The following PLPPR1 variants were observed in gnomAD, a reference collection of about 807,000 sequenced individuals.
PLPPR1 encodes the protein phospholipid phosphatase related 1.
In PLPPR1, 10 loss-of-function variants were observed where a neutral mutation model predicts 33.1. The observed-to-expected ratio is 0.30, with a 90% CI of 0.19 to 0.51. PLPPR1 has a LOEUF of 0.51. Among genes scored for constraint, PLPPR1 ranks in the 20% least tolerant of loss-of-function variants. The probability of loss-of-function intolerance (pLI) is 0.97; values close to 1 mark genes in which losing one functional copy is unlikely to be tolerated. For missense variants in PLPPR1, 304 were observed against 408.1 expected, an observed-to-expected ratio of 0.74 and a Z score of 2.20; for synonymous variants, 151 against 151.0, an observed-to-expected ratio of 1.00 and a Z score of 0.00.
At chr9:101,099,352 T>C (rs1319576911) in intron 1 of PLPPR1, among the ~76,000 whole-genome samples, 4 of 152,182 alleles carry the variant, frequency 2.6e-5, no homozygotes, top group Non-Finnish European at 5.9e-5. Context: ...TAAATATTCA[T>C]GTCCTAAATA....
rs1829220898 is a variant in PLPPR1 at position 101,324,663 on chromosome 9, TA to T, written c.*607del. The T allele has an allele frequency of 6.6e-6, 1 of 152,280 alleles. No homozygotes were observed. Among genetic ancestry groups the T allele is most frequent in the African/African-American group, 2.4e-5 (1 of 41,404 alleles). 9.4% of individuals were successfully genotyped at this position (152,280 alleles called of 1,614,324 possible). A position where few individuals can be genotyped will look rare whatever the true frequency, so the allele number is the denominator to read the frequency against. ...GTCAGAGAATTCTGGATTTGGAGGG[TA>T]TTGGGGTTATATGATTCTTTCTTAG... On this transcript the variant is annotated 3_prime_UTR_variant, in exon 8 of 8. Transcript: ENST00000374874.
intron 4 of PLPPR1, among the ~76,000 whole-genome samples, chr9:101,292,829 A>G (rs973865477): frequency 2.6e-5 from 4 of 151,180 alleles, no homozygotes; most frequent in East Asian, 3.9e-4. Context: ...AGGAACAACC[A>G]GTACCAGCCA....
chr9:101,109,672 C>G (rs1831026671), intron 1 of PLPPR1, among the ~76,000 whole-genome samples: 1 of 152,160 alleles, frequency 6.6e-6, no homozygotes, highest in African/African-American at 2.4e-5. Context: ...ATTTTTTTAG[C>G]ATTCCCATGG....
At chr9:101,031,741 G>A (rs1009102237) in intron 1 of PLPPR1, among the ~76,000 whole-genome samples, 2 of 152,158 alleles carry the variant, frequency 1.3e-5, no homozygotes, top group Non-Finnish European at 2.9e-5. Flanking sequence ...GGTGATCTTT[G>A]AGAAAAATGA....
chr9:101,095,742 C>A lies in PLPPR1; in HGVS notation c.-46+66640C>A, dbSNP rs77422472. ...TTACCACCAGTCTGACTCCAAACACCAAGCTCTTTCTCTGCATATTGGAGG... is the reference window on the plus strand; with the variant it reads ...TTACCACCAGTCTGACTCCAAACACAAAGCTCTTTCTCTGCATATTGGAGG... On this transcript the variant is annotated intron_variant, in intron 1 of 7. Coordinates refer to ENST00000374874, the MANE Select transcript of PLPPR1 (RefSeq NM_207299.2). Among the ~76,000 whole-genome samples the A allele has an allele frequency of 1.4e-3, 216 of 152,182 alleles. 1 individual carries two copies. The highest frequency in any genetic ancestry group is 0.014 in the Middle Eastern group (4 of 292).
intron 2 of PLPPR1, among the ~76,000 whole-genome samples, chr9:101,198,267 A>C (rs950844457): frequency 6.6e-6 from 1 of 152,100 alleles, no homozygotes; most frequent in Admixed American, 6.6e-5. Context: ...CACTAAAAAC[A>C]TCCCTCCCCA....
intron 2 of PLPPR1, among the ~76,000 whole-genome samples, chr9:101,256,679 T>C (rs561574505): frequency 4.1e-4 from 63 of 152,280 alleles, no homozygotes; most frequent in Admixed American, 1.6e-3. Context: ...TAATAGTGAA[T>C]AGTGTAGCAA....
intron 2 of PLPPR1, among the ~76,000 whole-genome samples, chr9:101,243,766 T>C (rs951982180): frequency 1.3e-5 from 2 of 151,790 alleles, no homozygotes; most frequent in Non-Finnish European, 2.9e-5. Context: ...ATCATCAAAG[T>C]ATAGGTGGTA....
At chr9:101,287,603 C>T (rs139791156) in intron 4 of PLPPR1, among the ~76,000 whole-genome samples, 4,374 of 152,254 alleles carry the variant, frequency 0.029, 213 homozygotes, top group African/African-American at 0.1. Flanking sequence ...CAGGTTCAAG[C>T]GATTCTCCTG....
chr9:101,031,012 A>G (rs1294257236), intron 1 of PLPPR1, among the ~76,000 whole-genome samples: 1 of 152,128 alleles, frequency 6.6e-6, no homozygotes, highest in African/African-American at 2.4e-5. Flanking sequence ...TTTCGCTTTT[A>G]TGATTTTAAA....
intron 1 of PLPPR1, among the ~76,000 whole-genome samples, chr9:101,095,736 A>G (rs1329571701): frequency 6.6e-6 from 1 of 152,260 alleles, no homozygotes; most frequent in East Asian, 1.9e-4. Flanking sequence ...GTCTGACTCC[A>G]AACACCAAGC....
At chr9:101,140,591 T>G (rs2118630890) in intron 1 of PLPPR1, among the ~76,000 whole-genome samples, 2 of 152,308 alleles carry the variant, frequency 1.3e-5, no homozygotes, top group South Asian at 4.1e-4. Flanking sequence ...GAAGACTAAA[T>G]AGCCCCTTCT....
intron 4 of PLPPR1, among the ~76,000 whole-genome samples, chr9:101,294,050 C>T (rs1828570667): frequency 1.3e-5 from 2 of 152,130 alleles, no homozygotes; most frequent in South Asian, 4.1e-4. Context: ...AATTGATAGA[C>T]CGCTAGCAAG....
At chr9:101,212,693 A>G (rs367893830) in intron 2 of PLPPR1, among the ~76,000 whole-genome samples, 192 of 152,360 alleles carry the variant, frequency 1.3e-3, no homozygotes, top group African/African-American at 3.8e-3. Context: ...TCTCTGAGTT[A>G]TCAAGGATCA....
chr9:101,051,874 C>T (rs950019600), intron 1 of PLPPR1, among the ~76,000 whole-genome samples: 4 of 152,114 alleles, frequency 2.6e-5, no homozygotes, highest in African/African-American at 9.7e-5. Flanking sequence ...TTTTTGCCTA[C>T]ATATAGTTTT....
At chr9:101,071,433 A>G (rs1830480868) in intron 1 of PLPPR1, among the ~76,000 whole-genome samples, 1 of 152,172 alleles carries the variant, frequency 6.6e-6, no homozygotes, top group Non-Finnish European at 1.5e-5. Flanking sequence ...CCCTTCTGGC[A>G]CTATAGTAAG....
At chr9:101,276,725 T>C (rs1299141746) in intron 3 of PLPPR1, among the ~76,000 whole-genome samples, 1 of 152,222 alleles carries the variant, frequency 6.6e-6, no homozygotes, top group Non-Finnish European at 1.5e-5. Context: ...ACCGCCCTGG[T>C]GCTCTATTTT....
At chr9:101,116,462 T>C (rs890581805) in intron 1 of PLPPR1, among the ~76,000 whole-genome samples, 1 of 152,188 alleles carries the variant, frequency 6.6e-6, no homozygotes, top group Admixed American at 6.5e-5. Context: ...TTTAGTTTAC[T>C]TGGGATAATT....
intron 1 of PLPPR1, among the ~76,000 whole-genome samples, chr9:101,172,691 CT>C (rs1400893533): frequency 2.0e-5 from 3 of 152,104 alleles, no homozygotes; most frequent in Non-Finnish European, 2.9e-5. Flanking sequence ...GCACTTTCCT[CT>C]CTGGAACTCT....
Sources: allele counts gnomAD v4.1 joint callset (sites outside exome capture counted in the v4.1 genomes callset), GRCh38; gene constraint gnomAD v4.1.1; transcripts MANE v1.5; gene names NCBI Gene and HGNC (gene_info 2026-07-23, HGNC 2026-07-21).